CDKL5: variants seen among roughly 807,000 people sequenced by gnomAD.
CDKL5 encodes cyclin-dependent kinase-like 5.
In CDKL5, 8 loss-of-function variants were observed where a neutral mutation model predicts 61.7. The ratio of observed to expected loss-of-function variants is 0.13; its 90% CI spans 0.08 to 0.23. The LOEUF (loss-of-function observed/expected upper bound fraction) is 0.23, where lower values mean the gene tolerates loss of function less well. CDKL5 is among the 10% of genes least tolerant of loss of function. The pLI is 1.00. For synonymous variants in CDKL5, 275 were observed against 272.3 expected (o/e 1.01, Z -0.10); for missense variants, 440 against 734.5 (o/e 0.60, Z 4.63).
intron 1 of CDKL5, among the ~76,000 whole-genome samples, chrX:18,492,581 C>T (rs1040732865): frequency 9.0e-6 from 1 of 111,437 alleles, no homozygotes; most frequent in African/African-American, 3.3e-5. Context: ...TCATACATAG[C>T]CCAAGCCCAA....
intron 3 of CDKL5, among the ~76,000 whole-genome samples, chrX:18,545,795 A>G (rs960088719): frequency 8.9e-6 from 1 of 112,066 alleles, no homozygotes; most frequent in African/African-American, 3.3e-5. Context: ...ATTTCCATGA[A>G]CACTAGCCCA....
At position 18,633,207 on chromosome X, in the gene CDKL5, C is replaced by G; in HGVS notation, c.*4450C>G. 1 of 754,452 alleles carries G rather than the reference C, an allele frequency of 1.3e-6. No individual in the cohort carries two copies. The highest frequency in any genetic ancestry group is 1.6e-6 in the Non-Finnish European group (1 of 639,354). 62.2% of individuals were successfully genotyped at this position (754,452 alleles called of 1,213,427 possible). A position where few individuals can be genotyped will look rare whatever the true frequency, so the allele number is the denominator to read the frequency against. On this transcript the variant is annotated 3_prime_UTR_variant, in exon 18 of 18. Transcript: ENST00000623535. ...ATGTGGGTTCTAAGATCCACAGACT[C>G]ATACTTTTGTGAACTTTGGAATGTG...
At chrX:18,559,335 A>G (rs1004029966) in intron 3 of CDKL5, among the ~76,000 whole-genome samples, 9 of 111,468 alleles carry the variant, frequency 8.1e-5, no homozygotes, top group Non-Finnish European at 1.7e-4. Flanking sequence ...CAGCCTCCCA[A>G]GTAGCTGGGA....
chrX:18,431,376 A>G (rs937694830), intron 1 of CDKL5, among the ~76,000 whole-genome samples: 1 of 109,705 alleles, frequency 9.1e-6, no homozygotes, highest in Admixed American at 9.7e-5. Context: ...GCAGGACCAT[A>G]TTTCTACACA....
intron 1 of CDKL5, among the ~76,000 whole-genome samples, chrX:18,451,619 G>C (rs1020028255): frequency 2.7e-5 from 3 of 111,758 alleles, no homozygotes; most frequent in Non-Finnish European, 5.7e-5. Flanking sequence ...GCTCCCTGCA[G>C]CCTTGCCTCC....
chrX:18,540,260 G>T (rs1189119611), intron 3 of CDKL5, among the ~76,000 whole-genome samples: 4 of 110,936 alleles, frequency 3.6e-5, no homozygotes, highest in African/African-American at 6.6e-5. Flanking sequence ...CTGTAGCCTT[G>T]TGACTTCCCG....
intron 1 of CDKL5, among the ~76,000 whole-genome samples, chrX:18,465,558 A>G (rs746550211): frequency 2.7e-5 from 3 of 110,988 alleles, no homozygotes; most frequent in South Asian, 3.8e-4. Flanking sequence ...AATCCCAGCT[A>G]CTCGGGAGGC....
intron 1 of CDKL5, among the ~76,000 whole-genome samples, chrX:18,442,785 C>A (rs764931847): frequency 8.9e-6 from 1 of 111,936 alleles, no homozygotes; most frequent in Non-Finnish European, 1.9e-5. Context: ...TGAGCCACCG[C>A]GCCTAGCGCT....
At chrX:18,472,103 A>G (rs1365762796) in intron 1 of CDKL5, among the ~76,000 whole-genome samples, 1 of 112,265 alleles carries the variant, frequency 8.9e-6, no homozygotes, top group Non-Finnish European at 1.9e-5. Flanking sequence ...CCGTTGTGCT[A>G]TCAATTATTC....
chrX:18,586,320 C>T (rs186357565), intron 8 of CDKL5, among the ~76,000 whole-genome samples: 2 of 111,442 alleles, frequency 1.8e-5, no homozygotes, highest in African/African-American at 6.5e-5. Context: ...GGACACTTTA[C>T]CAATGGAGAA....
chrX:18,523,940 T>C, intron 3 of CDKL5, among the ~76,000 whole-genome samples: 1 of 112,406 alleles, frequency 8.9e-6, no homozygotes, highest in East Asian at 2.8e-4. Context: ...TCTTGTATTA[T>C]GCAACTTTGC....
chrX:18,539,324 A>G (rs1431161971), intron 3 of CDKL5, among the ~76,000 whole-genome samples: 4 of 111,786 alleles, frequency 3.6e-5, no homozygotes, highest in African/African-American at 1.3e-4. Flanking sequence ...TCTCTTTTTA[A>G]AAAATGTATA....
At chrX:18,552,204 C>T (rs1367925400) in intron 3 of CDKL5, among the ~76,000 whole-genome samples, 1 of 103,489 alleles carries the variant, frequency 9.7e-6, no homozygotes, top group Admixed American at 1.1e-4. Flanking sequence ...TGCCATTGCA[C>T]TCCAGCCTGG....
intron 1 of CDKL5, among the ~76,000 whole-genome samples, chrX:18,460,276 G>A (rs1049008160): frequency 1.8e-5 from 2 of 110,562 alleles, no homozygotes; most frequent in African/African-American, 6.6e-5. Flanking sequence ...GGTGCCGTAG[G>A]GGGGACCGTA....
At chrX:18,594,979 G>A (rs1022308361) in intron 9 of CDKL5, among the ~76,000 whole-genome samples, 44 of 111,357 alleles carry the variant, frequency 4.0e-4, no homozygotes, top group African/African-American at 1.3e-3. Context: ...TCAGGAGTTC[G>A]ATGCCAGCCT....
Position 18,633,553 on chromosome X carries a change from T to A in CDKL5, c.*4796T>A, listed in dbSNP as rs1221827464. On this transcript the variant is annotated 3_prime_UTR_variant, in exon 18 of 18. Coordinates refer to ENST00000623535, the MANE Select transcript of CDKL5 (RefSeq NM_001323289.2). ...CTGAGATACAGAATATCTTGAGGTC[T>A]GGTTCAGCTGATGAAAAATTCTGTC... The A allele has an allele frequency of 2.7e-6, 2 of 753,360 alleles. No individual in the cohort carries two copies. Among genetic ancestry groups the A allele is most frequent in the Admixed American group, 1.7e-4 (2 of 11,521 alleles). The allele number at this position is 753,360 out of a possible 1,213,427, so 62.1% of individuals were successfully genotyped here.
At chrX:18,547,817 A>C (rs748414202) in intron 3 of CDKL5, among the ~76,000 whole-genome samples, 1 of 112,217 alleles carries the variant, frequency 8.9e-6, no homozygotes, top group African/African-American at 3.2e-5. Flanking sequence ...CAAACTAGAC[A>C]CATGTTAGGA....
intron 1 of CDKL5, among the ~76,000 whole-genome samples, chrX:18,459,807 T>C (rs1932236958): frequency 2.1e-5 from 2 of 96,434 alleles, no homozygotes; most frequent in African/African-American, 7.7e-5. Context: ...CGGGTTCAAG[T>C]GATTCTCCTA....
intron 4 of CDKL5, among the ~76,000 whole-genome samples, chrX:18,567,990 C>A (rs1348493330): frequency 8.9e-6 from 1 of 111,968 alleles, no homozygotes; most frequent in Non-Finnish European, 1.9e-5. Context: ...TGGGCAAAAT[C>A]ATATAACAAA....
Sources: allele counts gnomAD v4.1 joint callset (sites outside exome capture counted in the v4.1 genomes callset), GRCh38; gene constraint gnomAD v4.1.1; transcripts MANE v1.5; gene names NCBI Gene and HGNC (gene_info 2026-07-23, HGNC 2026-07-21).